Variants in KRT77 observed in about 807,000 individuals in gnomAD.
The protein encoded by KRT77 is keratin 77.
KRT77 carries 44 observed loss-of-function variants against 51.5 expected under a neutral mutation model. That is an observed-to-expected ratio of 0.85 (90% CI 0.67 to 1.10). KRT77 has a LOEUF of 1.10. KRT77 is among the 50% of genes least tolerant of loss of function. The pLI is 0.00. For missense variants in KRT77, 763 were observed against 743.9 expected (o/e 1.03, Z -0.30); for synonymous variants, 293 against 302.0 (o/e 0.97, Z 0.31).
chr12:52,692,341 C>A (rs2121043629), intron 7 of KRT77, 80 bp downstream of exon 7: 1 of 1,510,256 alleles, frequency 6.6e-7, no homozygotes, highest in Non-Finnish European at 9.0e-7. Context: ...TGGGGCTTAT[C>A]TTTTCTCCAA....
At chr12:52,700,176 C>T (rs752769822) in intron 1 of KRT77, among the ~76,000 whole-genome samples, 2 of 152,144 alleles carry the variant, frequency 1.3e-5, no homozygotes, top group African/African-American at 2.4e-5. Flanking sequence ...ATTTGTCATC[C>T]GGTTTCTATT....
chr12:52,695,629 TCCA>T, intron 4 of KRT77, 140 bp downstream of exon 4: 1 of 630,358 alleles, frequency 1.6e-6, no homozygotes, highest in Admixed American at 2.6e-5. Flanking sequence ...GATGGCTGAC[TCCA>T]GGCCCACAGA....
chr12:52,702,775 T>A, intron 1 of KRT77, 117 bp downstream of exon 1: 1 of 1,041,724 alleles, frequency 9.6e-7, no homozygotes, highest in South Asian at 1.6e-5. Flanking sequence ...GGTAAATGAT[T>A]TTCTAAGGTC....
At position 52,692,615 on chromosome 12, in the gene KRT77, C is replaced by A. The variant is rs746776137; in HGVS notation, c.1233G>T (p.Ser411=). ...CCTGCTCGCCTCTCTCCTCAGCATC[C>A]GAAATGAGTGACTGCATCTGTTCAA... ...KQIEQMQSLI[S]DAEERGEQAL... The change falls in exon 7 of 9, where the codon TCG becomes TCT. Residue 411 remains serine, a synonymous_variant. Transcript: ENST00000341809. 6.5e-7 allele frequency: 1 copy of A among 1,541,326 alleles called. No individual in the cohort carries two copies. The highest frequency in any genetic ancestry group is 2.2e-5 in the East Asian group (1 of 44,824).
chr12:52,694,430 G>A (rs890230762), intron 5 of KRT77, among the ~76,000 whole-genome samples, 196 bp downstream of exon 5: 3 of 152,166 alleles, frequency 2.0e-5, no homozygotes, highest in East Asian at 1.9e-4. Context: ...GCCTAATAGC[G>A]ACAAAGAACT....
intron 5 of KRT77, among the ~76,000 whole-genome samples, chr12:52,693,959 C>T (rs1166252978): frequency 1.3e-5 from 2 of 151,668 alleles, no homozygotes; most frequent in African/African-American, 2.4e-5. Flanking sequence ...ATCACTTGGA[C>T]CCAGGAGGCG....
Position 52,697,976 on chromosome 12 carries a change from C to T in KRT77, c.544-80G>A. The T allele has an allele frequency of 2.7e-6, 4 of 1,457,000 alleles. No homozygotes were observed. In the South Asian group the frequency reaches 4.6e-5, roughly 17 times the overall value. The allele number at this position is 1,457,000 out of a possible 1,614,324, so 90.3% of individuals were successfully genotyped here. A position where few individuals can be genotyped will look rare whatever the true frequency, so the allele number is the denominator to read the frequency against. ...ATAAGTAGGAGCATCCATACCCCCT[C>T]AACACATCCAGACCTCAGAGAATCA... On this transcript the variant is annotated intron_variant, in intron 1 of 8. Transcript: ENST00000341809.
At chr12:52,697,162 T>C (rs1941806111) in intron 2 of KRT77, among the ~76,000 whole-genome samples, 3 of 152,190 alleles carry the variant, frequency 2.0e-5, no homozygotes. Context: ...TGGTCCCCAA[T>C]CCACAAGCAT....
chr12:52,695,732 G>T, intron 4 of KRT77, 40 bp downstream of exon 4: 3 of 1,402,806 alleles, frequency 2.1e-6, no homozygotes, highest in Non-Finnish European at 3.0e-6. Context: ...CTTGTGAGAT[G>T]TGAGAAAAGA....
At chr12:52,695,534 C>T (rs542605276) in intron 4 of KRT77, among the ~76,000 whole-genome samples, 1 of 152,186 alleles carries the variant, frequency 6.6e-6, no homozygotes, top group Non-Finnish European at 1.5e-5. Context: ...ACCAGGGACA[C>T]ATTCGCCTCC....
Position 52,691,551 on chromosome 12 carries a change from T to C in KRT77, c.1463-112A>G, listed in dbSNP as rs1941710347. The stretch of plus-strand genomic sequence containing the variant: ...ATCCTCGATCACCCGTGGCATCGAC[T>C]TGCAAACCCCATACATTGAAAATTG... On this transcript the variant is annotated intron_variant, in intron 8 of 8. Coordinates refer to ENST00000341809, the MANE Select transcript of KRT77 (RefSeq NM_175078.3). 12 of 1,223,800 alleles carry C rather than the reference T, an allele frequency of 9.8e-6. No homozygotes were observed. The South Asian group carries it at 1.7e-4, about 18-fold the overall frequency. The allele number at this position is 1,223,800 out of a possible 1,614,324, so 75.8% of individuals were successfully genotyped here.
At chr12:52,693,203 C>T (rs1182595562) in intron 5 of KRT77, among the ~76,000 whole-genome samples, 1 of 150,446 alleles carries the variant, frequency 6.6e-6, no homozygotes, top group East Asian at 1.9e-4. Flanking sequence ...TGGTCCTTAC[C>T]CACACTGAGA....
At chr12:52,696,596 A>C in intron 2 of KRT77, 166 bp from the exon 3 acceptor site, 1 of 640,368 alleles carries the variant, frequency 1.6e-6, no homozygotes, top group Non-Finnish European at 2.8e-6. Context: ...TGGCACTCTC[A>C]TGGATGAGGG....
chr12:52,697,540 A>C, intron 2 of KRT77, 142 bp downstream of exon 2: 2 of 594,198 alleles, frequency 3.4e-6, no homozygotes, highest in Admixed American at 2.2e-5. Flanking sequence ...CATACAAAAC[A>C]GTGCCTCCTG....
At chr12:52,698,402 G>C in intron 1 of KRT77, 1 of 376,364 alleles carries the variant, frequency 2.7e-6, no homozygotes, top group Non-Finnish European at 5.2e-6. Flanking sequence ...CACCTCTGCT[G>C]TCTGCCGGGA....
intron 1 of KRT77, among the ~76,000 whole-genome samples, chr12:52,701,628 T>G (rs904759117): frequency 2.0e-5 from 3 of 152,318 alleles, no homozygotes; most frequent in African/African-American, 7.2e-5. Context: ...GAGGTGCTAG[T>G]GGCCGCTGTG....
chr12:52,696,180 G>C (rs552025669), intron 3 of KRT77, among the ~76,000 whole-genome samples, 190 bp downstream of exon 3: 8 of 152,210 alleles, frequency 5.3e-5, no homozygotes, highest in Admixed American at 1.3e-4. Flanking sequence ...AGAGAGATAC[G>C]AACTCAAGGC....
At position 52,694,672 on chromosome 12, in the gene KRT77, A is replaced by G. The variant is rs1212572949; in HGVS notation, c.1034T>C (p.Ile345Thr). 1 of 1,612,842 alleles carries G rather than the reference A, an allele frequency of 6.2e-7. No homozygotes were observed. Among genetic ancestry groups the G allele is most frequent in the East Asian group, 2.2e-5 (1 of 44,842 alleles). ...IDAVRTQYEL[I>T]AQRSKDEAEA... is the part of the protein sequence containing the mutation. The stretch of plus-strand genomic sequence containing the variant: ...GGCCTCGTCCTTGCTCCTCTGTGCA[A>G]TCAGTTCATACTGGGTCCGCACTGC... The change falls in exon 5 of 9, where the codon ATT becomes ACT. Residue 345 changes from isoleucine to threonine, a missense_variant. Physicochemically the swap from Ile to Thr is moderately conservative, Grantham distance 89 (BLOSUM62 -1). Transcript: ENST00000341809.
At chr12:52,696,500 A>T in intron 2 of KRT77, 70 bp from the exon 3 acceptor site, 1 of 1,292,456 alleles carries the variant, frequency 7.7e-7, no homozygotes, top group Non-Finnish European at 1.1e-6. Context: ...CCCTCCTTAC[A>T]GCAGAAAGCT....
Sources: gnomAD v4.1 joint callset for allele counts (sites outside exome capture counted in the v4.1 genomes callset) on GRCh38, gnomAD v4.1.1 for gene constraint, MANE v1.5 for transcripts, NCBI Gene and HGNC (gene_info 2026-07-23, HGNC 2026-07-21) for gene names.